MYT1L: variants seen among roughly 807,000 people sequenced by gnomAD.
MYT1L encodes myelin transcription factor 1 like.
Under a neutral mutation model 126.7 loss-of-function variants are expected in MYT1L, and 12 were observed. The ratio of observed to expected loss-of-function variants is 0.09; its 90% CI spans 0.06 to 0.15. MYT1L has a LOEUF of 0.15. Ranked by LOEUF, MYT1L falls within the 10% of genes least tolerant of loss-of-function variation. MYT1L has a pLI of 1.00. For missense variants in MYT1L, 979 were observed against 1,585.2 expected (o/e 0.62, Z 6.49); for synonymous variants, 541 against 604.2 (o/e 0.90, Z 1.53).
At chr2:2,317,775 CAGAGT>C (rs1559657581) in intron 1 of MYT1L, among the ~76,000 whole-genome samples, 1 of 152,090 alleles carries the variant, frequency 6.6e-6, no homozygotes, top group Non-Finnish European at 1.5e-5. Context: ...CCAAACCAGG[CAGAGT>C]AAAGTCTCTC....
intron 15 of MYT1L, 92 bp downstream of exon 15, chr2:1,891,945 C>T (rs2048935442): frequency 7.0e-7 from 1 of 1,436,792 alleles, no homozygotes; most frequent in Non-Finnish European, 9.1e-7. Context: ...CCCCATACAG[C>T]TGCCCCGAAA....
intron 1 of MYT1L, among the ~76,000 whole-genome samples, chr2:2,305,594 A>G (rs967756709): frequency 3.9e-5 from 6 of 152,206 alleles, no homozygotes; most frequent in African/African-American, 7.2e-5. Flanking sequence ...TCACACTGCT[A>G]TAAAGAACTA....
Position 1,939,480 on chromosome 2 carries a change from G to A in MYT1L, c.505+3502C>T, listed in dbSNP as rs141966322. ...TGGTAGGCACCGTATGGAATCTCCC[G>A]TACTTACGCTGCACATCTCACATTA... On this transcript the variant is annotated intron_variant, in intron 9 of 24. Coordinates refer to ENST00000647738, the MANE Select transcript of MYT1L (RefSeq NM_001303052.2). 3.6e-3 allele frequency among the ~76,000 whole-genome samples: 552 copies of A among 152,294 alleles called. 3 individuals are homozygous for A. Among genetic ancestry groups the A allele is most frequent in the Middle Eastern group, 0.01 (3 of 294 alleles).
chr2:2,184,073 GAAAC>G (rs761491316), intron 2 of MYT1L, among the ~76,000 whole-genome samples: 4 of 149,338 alleles, frequency 2.7e-5, no homozygotes, highest in Non-Finnish European at 5.9e-5. Flanking sequence ...AGGGGAGAGA[GAAAC>G]AGAGAGAGGG....
At chr2:2,239,874 T>C (rs373716703) in intron 2 of MYT1L, among the ~76,000 whole-genome samples, 93 of 137,166 alleles carry the variant, frequency 6.8e-4, no homozygotes, top group African/African-American at 2.9e-3. Context: ...CTCTTGAGTC[T>C]TCTCTCTGCC....
intron 2 of MYT1L, among the ~76,000 whole-genome samples, chr2:2,207,962 CT>C (rs2093375966): frequency 6.6e-6 from 1 of 152,142 alleles, no homozygotes; most frequent in Admixed American, 6.5e-5. Context: ...CTGGGGCCCC[CT>C]ATTGTCCACT....
At chr2:2,290,895 G>T (rs554107368) in intron 1 of MYT1L, among the ~76,000 whole-genome samples, 101 of 152,112 alleles carry the variant, frequency 6.6e-4, no homozygotes, top group Non-Finnish European at 1.2e-3. Context: ...AGAAAATCCA[G>T]ATTTGAATTG....
At chr2:2,237,868 G>A (rs1017308083) in intron 2 of MYT1L, among the ~76,000 whole-genome samples, 12 of 152,130 alleles carry the variant, frequency 7.9e-5, no homozygotes, top group Non-Finnish European at 7.3e-5. Context: ...ACAGACAGAG[G>A]CAACCTGGGA....
intron 4 of MYT1L, among the ~76,000 whole-genome samples, chr2:2,044,651 C>T (rs766870801): frequency 3.3e-5 from 5 of 152,128 alleles, no homozygotes; most frequent in African/African-American, 4.8e-5. Context: ...ATAGTATAAA[C>T]GGACCCATGA....
chr2:1,855,077 T>A (rs1165620521), intron 18 of MYT1L, among the ~76,000 whole-genome samples: 1 of 152,202 alleles, frequency 6.6e-6, no homozygotes, highest in African/African-American at 2.4e-5. Flanking sequence ...TTGGTATCCA[T>A]TTTTATGTTA....
At chr2:2,214,136 G>T (rs891685954) in intron 2 of MYT1L, among the ~76,000 whole-genome samples, 1 of 151,774 alleles carries the variant, frequency 6.6e-6, no homozygotes, top group African/African-American at 2.4e-5. Context: ...TTATCTAAAT[G>T]AAACAGAGAG....
At chr2:1,993,206 G>T (rs1239548592) in intron 5 of MYT1L, among the ~76,000 whole-genome samples, 2 of 152,194 alleles carry the variant, frequency 1.3e-5, no homozygotes, top group Non-Finnish European at 2.9e-5. Flanking sequence ...CCGTCTTGGT[G>T]AATCAGCTCT....
At chr2:1,797,866 T>C (rs1340614610) in intron 23 of MYT1L, among the ~76,000 whole-genome samples, 2 of 145,704 alleles carry the variant, frequency 1.4e-5, no homozygotes, top group African/African-American at 5.2e-5. Flanking sequence ...CGCGGCGGTC[T>C]CCCCCCATCC....
At chr2:1,903,416 C>T (rs900965938) in intron 13 of MYT1L, 122 bp from the exon 14 acceptor site, 2 of 752,146 alleles carry the variant, frequency 2.7e-6, no homozygotes, top group South Asian at 3.8e-5. Flanking sequence ...GAACCTTGCA[C>T]TAAAACTACA....
At chr2:2,235,997 T>A (rs1434469766) in intron 2 of MYT1L, among the ~76,000 whole-genome samples, 1 of 152,200 alleles carries the variant, frequency 6.6e-6, no homozygotes, top group African/African-American at 2.4e-5. Flanking sequence ...ATCATTACCC[T>A]TCATATTCCC....
At chr2:1,899,437 G>GT (rs1474014502) in intron 14 of MYT1L, among the ~76,000 whole-genome samples, 1 of 152,218 alleles carries the variant, frequency 6.6e-6, no homozygotes, top group Non-Finnish European at 1.5e-5. Flanking sequence ...AACAGGGTGG[G>GT]TGGGCTGTGG....
intron 3 of MYT1L, among the ~76,000 whole-genome samples, chr2:2,151,892 T>C (rs2085856819): frequency 6.6e-6 from 1 of 151,958 alleles, no homozygotes; most frequent in Non-Finnish European, 1.5e-5. Context: ...CGGTCTCTAC[T>C]AAAAACGCAA....
chr2:2,261,755 T>C (rs963368253), intron 2 of MYT1L, among the ~76,000 whole-genome samples: 3 of 152,234 alleles, frequency 2.0e-5, no homozygotes, highest in African/African-American at 7.2e-5. Flanking sequence ...GATGATGTGC[T>C]TCTCGTAAAT....
chr2:2,193,463 C>A (rs1371117021), intron 2 of MYT1L, among the ~76,000 whole-genome samples: 1 of 152,154 alleles, frequency 6.6e-6, no homozygotes, highest in Non-Finnish European at 1.5e-5. Context: ...TGCACACGGT[C>A]AGTTGTCTCC....
Sources: gnomAD v4.1 joint callset for allele counts (sites outside exome capture counted in the v4.1 genomes callset) on GRCh38, gnomAD v4.1.1 for gene constraint, MANE v1.5 for transcripts, NCBI Gene and HGNC (gene_info 2026-07-23, HGNC 2026-07-21) for gene names.